Variants in NR2C2 observed in about 807,000 individuals in gnomAD.
NR2C2 encodes Nuclear hormone receptor TR4.
In NR2C2, 6 loss-of-function variants were observed where a neutral mutation model predicts 62.9. The ratio of observed to expected loss-of-function variants is 0.10; its 90% CI spans 0.05 to 0.19. NR2C2 has a LOEUF of 0.19. NR2C2 is among the 10% of genes least tolerant of loss of function. NR2C2 has a pLI of 1.00. For missense variants in NR2C2, 479 were observed against 762.7 expected (o/e 0.63, Z 4.38); for synonymous variants, 272 against 273.8 (o/e 0.99, Z 0.07).
intron 1 of NR2C2, among the ~76,000 whole-genome samples, chr3:14,954,826 A>G (rs571955191): frequency 1.3e-5 from 2 of 151,890 alleles, no homozygotes; most frequent in South Asian, 4.2e-4. Context: ...TTCATTTACG[A>G]TTTGTGCCTT....
chr3:14,979,128 A>G (rs367963249), intron 1 of NR2C2, among the ~76,000 whole-genome samples: 10 of 152,158 alleles, frequency 6.6e-5, no homozygotes, highest in African/African-American at 1.9e-4. Flanking sequence ...GTGATCCACT[A>G]TATCTCCTTG....
rs571616047 is a variant in NR2C2 at position 15,031,263 on chromosome 3, G to A, written c.1110+811G>A. 4.6e-5 allele frequency among the ~76,000 whole-genome samples: 7 copies of A among 152,300 alleles called. 1 individual carries two copies. The South Asian group carries it at 1.2e-3, about 27-fold the overall frequency. On this transcript the variant is annotated intron_variant, in intron 9 of 13. Coordinates refer to ENST00000425241, the MANE Select transcript of NR2C2 (RefSeq NM_001291694.2). ...TGTTAAGGCCTCATGGGTGTTCCCC[G>A]TGCTGTCATTCACTGGTCTCACTTT...
chr3:15,037,838 C>T (rs1180362843), intron 11 of NR2C2, among the ~76,000 whole-genome samples, 162 bp from the exon 12 acceptor site: 14 of 152,340 alleles, frequency 9.2e-5, no homozygotes, highest in African/African-American at 3.4e-4. Flanking sequence ...CCTCTTGTCA[C>T]TTCATCTGCA....
rs1029207041 is a variant in NR2C2 at position 15,044,512 on chromosome 3, A to G, written c.*1504A>G. 6.6e-6 allele frequency: 1 copy of G among 152,244 alleles called. No individual in the cohort carries two copies. The highest frequency in any genetic ancestry group is 6.5e-5 in the Admixed American group (1 of 15,286). 9.4% of individuals were successfully genotyped at this position (152,244 alleles called of 1,614,324 possible). ...ACACCCGTAAATTCCCACGGATGTG[A>G]ATATATAGCAAGCTTTTCCTGTTTG... On this transcript the variant is annotated 3_prime_UTR_variant, in exon 14 of 14. Coordinates refer to ENST00000425241, the MANE Select transcript of NR2C2 (RefSeq NM_001291694.2).
chr3:14,959,458 A>G (rs540819873), intron 1 of NR2C2: 1 of 152,242 alleles, frequency 6.6e-6, no homozygotes, highest in African/African-American at 2.4e-5. Flanking sequence ...TATTGAAAGC[A>G]CTTGCTTTAA....
chr3:14,957,838 C>G (rs957565374), intron 1 of NR2C2, among the ~76,000 whole-genome samples: 1 of 152,018 alleles, frequency 6.6e-6, no homozygotes, highest in African/African-American at 2.4e-5. Flanking sequence ...TTGAGTGCAT[C>G]ATTTTTCTGC....
chr3:15,025,219 T>A (rs2125038005), intron 7 of NR2C2, among the ~76,000 whole-genome samples: 1 of 152,234 alleles, frequency 6.6e-6, no homozygotes, highest in Non-Finnish European at 1.5e-5. Flanking sequence ...TAAAAACAGA[T>A]TACCAAGGGA....
At chr3:15,019,192 A>G (rs1340370169) in intron 4 of NR2C2, among the ~76,000 whole-genome samples, 2 of 151,744 alleles carry the variant, frequency 1.3e-5, no homozygotes, top group East Asian at 3.9e-4. Flanking sequence ...TGGCCACTGC[A>G]CTCCAGTCTG....
intron 1 of NR2C2, among the ~76,000 whole-genome samples, chr3:14,990,919 T>C (rs1229016432): frequency 6.6e-6 from 1 of 152,380 alleles, no homozygotes; most frequent in South Asian, 2.1e-4. Context: ...GAACTTGTAT[T>C]TGAATATGCT....
intron 1 of NR2C2, among the ~76,000 whole-genome samples, chr3:14,954,425 T>TATG (rs1227987607): frequency 2.6e-5 from 4 of 152,188 alleles, no homozygotes; most frequent in Non-Finnish European, 4.4e-5. Flanking sequence ...AAAAGGCATG[T>TATG]GTGAAAATGT....
intron 3 of NR2C2, 81 bp downstream of exon 3, chr3:15,013,870 G>A (rs1384163095): frequency 6.9e-6 from 10 of 1,443,446 alleles, no homozygotes; most frequent in Non-Finnish European, 9.6e-6. Flanking sequence ...CTGCCTTCGA[G>A]GCCAAATCCA....
chr3:14,975,459 C>T (rs2040176628), intron 1 of NR2C2, among the ~76,000 whole-genome samples: 1 of 152,170 alleles, frequency 6.6e-6, no homozygotes, highest in Non-Finnish European at 1.5e-5. Context: ...TTTTTTCCAT[C>T]AGTTCAGAGG....
intron 1 of NR2C2, among the ~76,000 whole-genome samples, chr3:14,976,489 C>A (rs1159894200): frequency 2.6e-5 from 4 of 152,052 alleles, no homozygotes; most frequent in South Asian, 4.1e-4. Flanking sequence ...AAGCCTCTGA[C>A]CTCCTGCTGT....
intron 1 of NR2C2, among the ~76,000 whole-genome samples, chr3:14,979,513 G>C (rs781442011): frequency 1.3e-5 from 2 of 152,198 alleles, no homozygotes; most frequent in Admixed American, 6.5e-5. Flanking sequence ...TAAAGAAAAG[G>C]GAAGGGATCA....
intron 8 of NR2C2, among the ~76,000 whole-genome samples, chr3:15,029,920 A>AGG (rs1559304193): frequency 2.0e-5 from 3 of 151,992 alleles, no homozygotes; most frequent in African/African-American, 4.8e-5. Context: ...GAAGGAAGGA[A>AGG]AGAGAGAAAA....
Position 14,994,394 on chromosome 3 carries a change from G to C in NR2C2, c.-39-9482G>C, listed in dbSNP as rs549060165. On this transcript the variant is annotated intron_variant, in intron 1 of 13. Coordinates refer to ENST00000425241, the MANE Select transcript of NR2C2 (RefSeq NM_001291694.2). ...TTCCTTAAAGATGAACTCTACCCCA[G>C]CCCCTTATACCATGGGTTGAATTCG... Among the ~76,000 whole-genome samples the C allele has an allele frequency of 6.2e-5, 9 of 146,302 alleles. No individual in the cohort carries two copies. In the East Asian group the frequency reaches 1.0e-3, roughly 16 times the overall value.
chr3:14,969,272 G>A (rs535894932), intron 1 of NR2C2, among the ~76,000 whole-genome samples: 17 of 132,304 alleles, frequency 1.3e-4, no homozygotes, highest in Non-Finnish European at 2.5e-4. Context: ...TTGAAACAGA[G>A]TCTCACTGTG....
chr3:15,007,423 A>G (rs1193720197), intron 2 of NR2C2, among the ~76,000 whole-genome samples: 1 of 151,712 alleles, frequency 6.6e-6, no homozygotes, highest in Non-Finnish European at 1.5e-5. Flanking sequence ...CACCGTGCCC[A>G]GCCCCCTGAC....
chr3:15,045,640 T>C lies in NR2C2; in HGVS notation c.*2632T>C, dbSNP rs1309553635. The C allele has an allele frequency of 1.3e-5, 2 of 152,678 alleles. No individual in the cohort carries two copies. Among genetic ancestry groups the C allele is most frequent in the Non-Finnish European group, 2.9e-5 (2 of 68,050 alleles). 9.5% of individuals were successfully genotyped at this position (152,678 alleles called of 1,614,324 possible). ...TTCAAGCCTCTGACTGCAGGTCCAT[T>C]TCATCTCCTGTCAGGTTGGTTAAGT... On this transcript the variant is annotated 3_prime_UTR_variant, in exon 14 of 14. Coordinates refer to ENST00000425241, the MANE Select transcript of NR2C2 (RefSeq NM_001291694.2).
Sources: gnomAD v4.1 joint callset for allele counts (sites outside exome capture counted in the v4.1 genomes callset) on GRCh38, gnomAD v4.1.1 for gene constraint, MANE v1.5 for transcripts, NCBI Gene and HGNC (gene_info 2026-07-23, HGNC 2026-07-21) for gene names.